The following PPP1R9A variants were observed in gnomAD, a reference collection of about 807,000 sequenced individuals.
The protein encoded by PPP1R9A is neurabin-1.
Under a neutral mutation model 141.9 loss-of-function variants are expected in PPP1R9A, and 59 were observed. The ratio of observed to expected loss-of-function variants is 0.42; its 90% confidence interval spans 0.34 to 0.52. The LOEUF is 0.52. PPP1R9A is among the 20% of genes least tolerant of loss of function. The pLI is 0.10. For synonymous variants in PPP1R9A, 500 were observed against 569.7 expected, an observed-to-expected ratio of 0.88 and a Z score of 1.74; for missense variants, 1,444 against 1,611.9, an observed-to-expected ratio of 0.90 and a Z score of 1.78.
intron 2 of PPP1R9A, among the ~76,000 whole-genome samples, chr7:95,051,079 A>G (rs1169423005): frequency 2.6e-5 from 4 of 151,800 alleles, no homozygotes; most frequent in African/African-American, 7.3e-5. Flanking sequence ...GGAGTTTTAT[A>G]GTTTTGCATC....
At chr7:95,198,299 C>G (rs537286338) in intron 5 of PPP1R9A, 50 bp from the exon 6 acceptor site, 3 of 1,513,908 alleles carry the variant, frequency 2.0e-6, no homozygotes, top group Admixed American at 4.5e-5. Flanking sequence ...TCTTAAAACT[C>G]CTTTTTGTTG....
intron 2 of PPP1R9A, among the ~76,000 whole-genome samples, chr7:95,075,318 C>T (rs1206566420): frequency 6.6e-6 from 1 of 151,992 alleles, no homozygotes; most frequent in Non-Finnish European, 1.5e-5. Context: ...TTATTTTTAC[C>T]TTTAAATCTT....
At position 95,217,309 on chromosome 7, in the gene PPP1R9A, T is replaced by G. The variant is rs145339735; in HGVS notation, c.1957-8652T>G. On this transcript the variant is annotated intron_variant, in intron 7 of 19. Coordinates refer to ENST00000433360, the MANE Select transcript of PPP1R9A (RefSeq NM_001166160.2). ...GTGAGGAACCAGCCTTGCATCCCAG[T>G]GATGAAGCCCACTTGATCATGGTGG... Among the ~76,000 whole-genome samples the G allele has an allele frequency of 7.7e-3, 1,171 of 152,274 alleles. 27 individuals carry two copies. The highest frequency in any genetic ancestry group is 0.041 in the Admixed American group (620 of 15,272).
chr7:95,054,314 G>A (rs1405682047), intron 2 of PPP1R9A, among the ~76,000 whole-genome samples: 2 of 150,770 alleles, frequency 1.3e-5, no homozygotes, highest in African/African-American at 2.4e-5. Flanking sequence ...TAGTAGAGAC[G>A]GGGTTTCACC....
chr7:95,286,428 C>A, intron 18 of PPP1R9A, 103 bp downstream of exon 18: 2 of 1,502,334 alleles, frequency 1.3e-6, no homozygotes, highest in Non-Finnish European at 1.8e-6. Context: ...GCATAGAAAT[C>A]ATCAGGACTG....
chr7:95,046,320 T>C (rs1265492360), intron 2 of PPP1R9A, among the ~76,000 whole-genome samples: 2 of 152,132 alleles, frequency 1.3e-5, no homozygotes, highest in Non-Finnish European at 2.9e-5. Context: ...TTCTTGGTCT[T>C]GGACTTCAAG....
At chr7:95,185,183 C>T (rs1039498727) in intron 5 of PPP1R9A, among the ~76,000 whole-genome samples, 1 of 151,614 alleles carries the variant, frequency 6.6e-6, no homozygotes, top group Non-Finnish European at 1.5e-5. Flanking sequence ...TCACCACATC[C>T]ATGCCAACAT....
chr7:95,031,164 GAA>G (rs1807626005), intron 2 of PPP1R9A, among the ~76,000 whole-genome samples: 1 of 152,132 alleles, frequency 6.6e-6, no homozygotes, highest in Non-Finnish European at 1.5e-5. Flanking sequence ...TTGTCTTATG[GAA>G]ACTTGTTCTT....
Position 94,911,340 on chromosome 7 carries a change from G to T in PPP1R9A, c.1227G>T (p.Arg409Ser). ...ATAATGTGTATAGGGTGAGATCCAG[G>T]TATAATTCAGACTGGGGAGAGACAG... ...SDYNVYRVRS[R>S]YNSDWGETGT... The change falls in exon 2 of 20, where the codon AGG becomes AGT. Residue 409 changes from arginine to serine, a missense_variant. Physicochemically the swap from Arg to Ser is moderately radical, Grantham distance 110. Coordinates refer to ENST00000433360, the MANE Select transcript of PPP1R9A (RefSeq NM_001166160.2). 6.2e-7 allele frequency: 1 copy of T among 1,614,080 alleles called. No individual in the cohort carries two copies. The highest frequency in any genetic ancestry group is 8.5e-7 in the Non-Finnish European group (1 of 1,180,004).
chr7:95,189,585 C>T (rs958807922), intron 5 of PPP1R9A, among the ~76,000 whole-genome samples: 43 of 150,602 alleles, frequency 2.9e-4, no homozygotes, highest in South Asian at 4.2e-4. Context: ...TACAGGCGCC[C>T]GCCACTACGC....
chr7:95,070,940 G>A lies in PPP1R9A; in HGVS notation c.1396-40319G>A, dbSNP rs563568061. ...GAGAGGCAGGCCTCAGATGATCAAG[G>A]TAATGTTAATTGGCTAAAAAAATTG... is the stretch of plus-strand genomic sequence containing the variant. On this transcript the variant is annotated intron_variant, in intron 2 of 19. Coordinates refer to ENST00000433360, the MANE Select transcript of PPP1R9A (RefSeq NM_001166160.2). Among the ~76,000 whole-genome samples, 20 of 151,924 alleles carry A rather than the reference G, an allele frequency of 1.3e-4. No individual in the cohort carries two copies. The South Asian group carries it at 4.2e-3, about 32-fold the overall frequency.
chr7:95,098,323 T>TA (rs1230607076), intron 2 of PPP1R9A: 1 of 151,972 alleles, frequency 6.6e-6, no homozygotes, highest in Non-Finnish European at 1.5e-5. Context: ...TGTGAGGACT[T>TA]ACAATACAGT....
chr7:95,105,993 G>A (rs896604662), intron 2 of PPP1R9A, among the ~76,000 whole-genome samples: 8 of 152,152 alleles, frequency 5.3e-5, no homozygotes, highest in Non-Finnish European at 1.0e-4. Context: ...CTGGGCTCAT[G>A]CCTATAATCC....
intron 5 of PPP1R9A, among the ~76,000 whole-genome samples, chr7:95,172,194 T>C (rs1832221252): frequency 6.6e-6 from 1 of 151,682 alleles, no homozygotes; most frequent in South Asian, 2.1e-4. Flanking sequence ...TTAAGAACAA[T>C]GCAAATATCT....
intron 2 of PPP1R9A, among the ~76,000 whole-genome samples, chr7:94,936,619 A>G (rs1794783649): frequency 6.6e-6 from 1 of 151,136 alleles, no homozygotes; most frequent in South Asian, 2.1e-4. Context: ...TACTAATAAA[A>G]CCTTTCACTA....
chr7:94,918,462 ATTTAAT>A (rs924301327), intron 2 of PPP1R9A, among the ~76,000 whole-genome samples: 3 of 151,994 alleles, frequency 2.0e-5, no homozygotes, highest in Non-Finnish European at 4.4e-5. Flanking sequence ...TCTTCTTTTT[ATTTAAT>A]TTTAATTTGC....
intron 2 of PPP1R9A, among the ~76,000 whole-genome samples, chr7:95,081,061 T>C (rs949874927): frequency 2.5e-4 from 38 of 152,292 alleles, no homozygotes; most frequent in African/African-American, 8.9e-4. Context: ...AATCAATTAA[T>C]TCAGAAGGGT....
intron 2 of PPP1R9A, among the ~76,000 whole-genome samples, chr7:95,010,938 A>G (rs1687216500): frequency 6.6e-6 from 1 of 152,158 alleles, no homozygotes; most frequent in Admixed American, 6.5e-5. Flanking sequence ...TGATGTTGGT[A>G]TTGCACGTAG....
chr7:95,039,063 A>G (rs180902064), intron 2 of PPP1R9A, among the ~76,000 whole-genome samples: 2 of 152,338 alleles, frequency 1.3e-5, no homozygotes, highest in Admixed American at 6.5e-5. Context: ...ACTTTCAACA[A>G]AAACTTATAA....
Sources: allele counts gnomAD v4.1 joint callset (sites outside exome capture counted in the v4.1 genomes callset), GRCh38; gene constraint gnomAD v4.1.1; transcripts MANE v1.5; gene names NCBI Gene and HGNC (gene_info 2026-07-23, HGNC 2026-07-21).